LTBP1: variants seen among roughly 807,000 people sequenced by gnomAD.
The protein encoded by LTBP1 is latent transforming growth factor beta binding protein 1.
LTBP1 carries 129 observed loss-of-function variants against 207.6 expected under a neutral mutation model. The observed-to-expected ratio is 0.62, with a 90% CI of 0.54 to 0.72. The LOEUF (loss-of-function observed/expected upper bound fraction) is 0.72, where lower values mean the gene tolerates loss of function less well. Ranked by LOEUF, LTBP1 falls within the 30% of genes least tolerant of loss-of-function variation. The probability of loss-of-function intolerance (pLI) is 0.00; values close to 1 mark genes in which losing one functional copy is unlikely to be tolerated. For missense variants in LTBP1, 2,281 were observed against 2,217.2 expected, an observed-to-expected ratio of 1.03 and a Z score of -0.58; for synonymous variants, 963 against 833.7, an observed-to-expected ratio of 1.16 and a Z score of -2.67.
chr2:33,369,025 ATATT>A (rs1352454197), intron 31 of LTBP1, among the ~76,000 whole-genome samples: 22 of 152,334 alleles, frequency 1.4e-4, no homozygotes, highest in African/African-American at 3.6e-4. Flanking sequence ...TTTATTTTAA[ATATT>A]TATTCTAAAA....
chr2:32,990,824 A>G (rs1179851097), intron 2 of LTBP1, among the ~76,000 whole-genome samples: 1 of 152,094 alleles, frequency 6.6e-6, no homozygotes, highest in Admixed American at 6.5e-5. Flanking sequence ...GAAAATTGAC[A>G]CATCATGGTG....
At chr2:32,962,901 C>G (rs1230574430) in intron 2 of LTBP1, among the ~76,000 whole-genome samples, 1 of 152,246 alleles carries the variant, frequency 6.6e-6, no homozygotes, top group Non-Finnish European at 1.5e-5. Context: ...TTAACCAGGC[C>G]TCTTGGGGAT....
intron 2 of LTBP1, among the ~76,000 whole-genome samples, chr2:32,959,433 A>C (rs1232554160): frequency 6.6e-6 from 1 of 151,648 alleles, no homozygotes; most frequent in African/African-American, 2.4e-5. Context: ...TAGAAGGATA[A>C]GGATCTTTTG....
chr2:33,318,401 T>C (rs2149296946), intron 24 of LTBP1, among the ~76,000 whole-genome samples: 1 of 152,274 alleles, frequency 6.6e-6, no homozygotes, highest in Non-Finnish European at 1.5e-5. Context: ...CAGGCCTTGT[T>C]CCAAGGGTAA....
intron 11 of LTBP1, among the ~76,000 whole-genome samples, chr2:33,253,275 A>G (rs2092733813): frequency 6.6e-6 from 1 of 152,192 alleles, no homozygotes; most frequent in Non-Finnish European, 1.5e-5. Context: ...TTAATTGGAA[A>G]TGGAGGAAAT....
intron 3 of LTBP1, among the ~76,000 whole-genome samples, chr2:33,024,682 A>G (rs1388357636): frequency 6.6e-6 from 1 of 152,056 alleles, no homozygotes; most frequent in Non-Finnish European, 1.5e-5. Context: ...CTCCTTAGAG[A>G]AGGTGTCTGT....
chr2:32,991,092 C>T (rs979273481), intron 2 of LTBP1, among the ~76,000 whole-genome samples: 6 of 152,016 alleles, frequency 3.9e-5, no homozygotes, highest in African/African-American at 1.5e-4. Context: ...AAGAAAGTGC[C>T]GATTTTCCTT....
chr2:33,223,115 G>A (rs111246967), intron 9 of LTBP1, among the ~76,000 whole-genome samples: 6,574 of 152,230 alleles, frequency 0.043, 164 homozygotes, highest in Middle Eastern at 0.14. Context: ...ATGTTACAGA[G>A]TATAGGTTAA....
intron 2 of LTBP1, among the ~76,000 whole-genome samples, chr2:32,968,937 G>A (rs1680409516): frequency 8.5e-6 from 1 of 117,510 alleles, no homozygotes; most frequent in Non-Finnish European, 1.8e-5. Flanking sequence ...TTTTTTTGAG[G>A]CGGTGTCTCG....
At chr2:33,332,199 C>T (rs1373411433) in intron 24 of LTBP1, among the ~76,000 whole-genome samples, 1 of 150,596 alleles carries the variant, frequency 6.6e-6, no homozygotes, top group Non-Finnish European at 1.5e-5. Context: ...TTTAAGTATC[C>T]TCAAATAGTA....
chr2:33,139,806 G>A (rs771382412), intron 5 of LTBP1, among the ~76,000 whole-genome samples: 9 of 152,126 alleles, frequency 5.9e-5, no homozygotes, highest in Non-Finnish European at 1.2e-4. Context: ...GGTGGTTTCT[G>A]GGAATTGGGA....
At chr2:33,092,534 C>T (rs1446594194) in intron 3 of LTBP1, among the ~76,000 whole-genome samples, 1 of 152,198 alleles carries the variant, frequency 6.6e-6, no homozygotes, top group African/African-American at 2.4e-5. Context: ...TCCTCACTCC[C>T]TGCCTTCTGA....
intron 19 of LTBP1, among the ~76,000 whole-genome samples, chr2:33,288,154 C>G (rs1043760168): frequency 6.6e-6 from 1 of 152,162 alleles, no homozygotes; most frequent in Non-Finnish European, 1.5e-5. Context: ...AAATAATTGG[C>G]TATGTTGACA....
intron 4 of LTBP1, among the ~76,000 whole-genome samples, chr2:33,131,926 G>T (rs887776406): frequency 6.6e-6 from 1 of 152,172 alleles, no homozygotes; most frequent in African/African-American, 2.4e-5. Flanking sequence ...GACTACTGTA[G>T]CTGGGAGGTG....
chr2:33,187,156 G>T (rs76241135), intron 6 of LTBP1, 76 bp downstream of exon 6: 1 of 1,289,800 alleles, frequency 7.8e-7, no homozygotes, highest in South Asian at 1.3e-5. Context: ...AAGGATCTGC[G>T]GGTGGCCAGG....
rs2094689180 is a variant in LTBP1 at position 33,345,440 on chromosome 2, A to G, written c.3857-1927A>G. Among the ~76,000 whole-genome samples, 3 of 152,366 alleles carry G rather than the reference A, an allele frequency of 2.0e-5. No individual in the cohort carries two copies. In the South Asian group the frequency reaches 6.2e-4, roughly 32 times the overall value. On this transcript the variant is annotated intron_variant, in intron 25 of 33. Coordinates refer to ENST00000404816, the MANE Select transcript of LTBP1 (RefSeq NM_206943.4). Reference sequence around the variant, plus strand: ...TTCTTGATTGAATTATTGCAGTCTGATGGGATAGAGTTTATTAGCCATGTC... The same window carrying G: ...TTCTTGATTGAATTATTGCAGTCTGGTGGGATAGAGTTTATTAGCCATGTC...
intron 5 of LTBP1, among the ~76,000 whole-genome samples, chr2:33,136,559 A>G (rs79870788): frequency 0.013 from 1,990 of 152,250 alleles, 44 homozygotes; most frequent in African/African-American, 0.046. Context: ...CCAGTAGACT[A>G]TCATGAGTCT....
At chr2:33,386,152 G>A (rs992823445) in intron 31 of LTBP1, among the ~76,000 whole-genome samples, 1 of 152,150 alleles carries the variant, frequency 6.6e-6, no homozygotes, top group Non-Finnish European at 1.5e-5. Flanking sequence ...ATGCCTTTGG[G>A]TACGTGCTTT....
chr2:33,318,516 T>C (rs1245560625), intron 24 of LTBP1, among the ~76,000 whole-genome samples: 1 of 152,210 alleles, frequency 6.6e-6, no homozygotes, highest in Non-Finnish European at 1.5e-5. Context: ...TAACACAGCA[T>C]AGTTACCCTT....
Sources: allele counts gnomAD v4.1 joint callset (sites outside exome capture counted in the v4.1 genomes callset), GRCh38; gene constraint gnomAD v4.1.1; transcripts MANE v1.5; gene names NCBI Gene and HGNC (gene_info 2026-07-23, HGNC 2026-07-21).